The following PTPRT variants were observed in gnomAD, a reference collection of about 807,000 sequenced individuals.
The protein encoded by PTPRT is receptor-type tyrosine-protein phosphatase T.
A neutral mutation model predicts 176.8 loss-of-function variants in PTPRT; 56 were observed. The observed-to-expected ratio is 0.32, with a 90% confidence interval of 0.26 to 0.40. The LOEUF (loss-of-function observed/expected upper bound fraction) is 0.40, where lower values mean the gene tolerates loss of function less well. Among genes scored for constraint, PTPRT ranks in the 10% least tolerant of loss-of-function variants. The pLI, the probability that PTPRT is intolerant of heterozygous loss-of-function variation, is 1.00. For synonymous variants in PTPRT, 783 were observed against 739.0 expected (o/e 1.06, Z -0.96); for missense variants, 1,540 against 1,908.2 (o/e 0.81, Z 3.60).
rs564570970 is a variant in PTPRT at position 42,962,407 on chromosome 20, G to A, written c.89-76475C>T. 5.3e-5 allele frequency among the ~76,000 whole-genome samples: 8 copies of A among 150,748 alleles called. No individual in the cohort carries two copies. The South Asian group carries it at 1.7e-3, about 31-fold the overall frequency. On this transcript the variant is annotated intron_variant, in intron 1 of 30. Transcript: ENST00000373187. The stretch of plus-strand genomic sequence containing the variant: ...CCAGGAGTAAATTAGAAATATGAAA[G>A]ACAAAAGAGATATGTTATAGGGATG...
At chr20:42,058,065 C>T in the PTPRT span, among the ~76,000 whole-genome samples, 1 of 152,162 alleles carries the variant, frequency 6.6e-6, no homozygotes, top group South Asian at 2.1e-4. Context: ...GCCTCTCCTT[C>T]CTCCTGAATA....
rs55705526 is a variant in PTPRT, at chr20:42,903,844, C to T, written c.89-17912G>A. Among the ~76,000 whole-genome samples, 568 of 152,310 alleles carry T rather than the reference C, an allele frequency of 3.7e-3. 2 individuals are homozygous for T. The highest frequency in any genetic ancestry group is 0.013 in the African/African-American group (541 of 41,568). ...ATGGTGTCTTGGGTAGATGTAATTA[C>T]AGCTGAACTAGCACGTCACCCAGTT... is the stretch of plus-strand genomic sequence containing the variant. On this transcript the variant is annotated intron_variant, in intron 1 of 30. Transcript: ENST00000373187.
intron 6 of PTPRT, among the ~76,000 whole-genome samples, chr20:42,732,637 G>C (rs2076478975): frequency 6.6e-6 from 1 of 152,274 alleles, no homozygotes; most frequent in East Asian, 1.9e-4. Context: ...GAAAGATCGT[G>C]CTGTTTCATG....
intron 9 of PTPRT, among the ~76,000 whole-genome samples, chr20:42,353,633 C>CA (rs1210546610): frequency 3.3e-5 from 5 of 152,226 alleles, no homozygotes; most frequent in African/African-American, 1.2e-4. Flanking sequence ...GTGAAAATAA[C>CA]AATTGGTAGC....
intron 15 of PTPRT, among the ~76,000 whole-genome samples, chr20:42,204,398 T>C (rs2055398871): frequency 6.6e-6 from 1 of 152,208 alleles, no homozygotes; most frequent in African/African-American, 2.4e-5. Context: ...TATGACTTTC[T>C]GAACTGAGGA....
chr20:42,188,491 C>T (rs1990867713), intron 16 of PTPRT, among the ~76,000 whole-genome samples: 1 of 152,040 alleles, frequency 6.6e-6, no homozygotes, highest in Non-Finnish European at 1.5e-5. Flanking sequence ...TAACATGCCT[C>T]ATAGCATTGT....
intron 7 of PTPRT, among the ~76,000 whole-genome samples, chr20:42,633,822 A>T (rs2074474917): frequency 1.2e-5 from 1 of 85,262 alleles, no homozygotes; most frequent in Admixed American, 1.9e-4. Flanking sequence ...TATATATAAT[A>T]AAATATTAAT....
chr20:42,107,414 C>A (rs149702651), intron 23 of PTPRT, among the ~76,000 whole-genome samples: 4 of 152,166 alleles, frequency 2.6e-5, no homozygotes, highest in Non-Finnish European at 5.9e-5. Flanking sequence ...TTCGCAGGAT[C>A]GTGAAGCAAG....
chr20:42,211,965 C>T lies in PTPRT; in HGVS notation c.2343-12577G>A, dbSNP rs567994676. On this transcript the variant is annotated intron_variant, in intron 15 of 30. Transcript: ENST00000373187. ...ATATACACCATGGAATACTATGCAG[C>T]CATAAAAAATGATGAGTTCATGTCC... 1.1e-3 allele frequency among the ~76,000 whole-genome samples: 164 copies of T among 149,326 alleles called. 1 individual carries two copies. The highest frequency in any genetic ancestry group is 2.2e-3 in the Non-Finnish European group (148 of 67,420).
At chr20:42,059,197 G>A in the PTPRT span, among the ~76,000 whole-genome samples, 1 of 152,118 alleles carries the variant, frequency 6.6e-6, no homozygotes, top group East Asian at 1.9e-4. Flanking sequence ...GGCAGAGTCC[G>A]GGTCTCCTGT....
At chr20:42,476,654 C>T (rs2071294781) in intron 7 of PTPRT, among the ~76,000 whole-genome samples, 1 of 152,150 alleles carries the variant, frequency 6.6e-6, no homozygotes, top group Admixed American at 6.5e-5. Flanking sequence ...GCAAGAAGGA[C>T]TCTGGTGAAC....
chr20:42,418,314 C>T (rs1259568124), intron 9 of PTPRT, among the ~76,000 whole-genome samples: 1 of 152,042 alleles, frequency 6.6e-6, no homozygotes, highest in Admixed American at 6.5e-5. Flanking sequence ...TTTTAAATTA[C>T]ATATGTGACT....
chr20:42,600,855 G>A (rs1241616760), intron 7 of PTPRT, among the ~76,000 whole-genome samples: 1 of 152,146 alleles, frequency 6.6e-6, no homozygotes, highest in Non-Finnish European at 1.5e-5. Flanking sequence ...CCAGTCCTCT[G>A]TTAACGGACA....
chr20:42,310,523 A>G (rs1176992713), intron 12 of PTPRT, among the ~76,000 whole-genome samples: 2 of 152,086 alleles, frequency 1.3e-5, no homozygotes, highest in South Asian at 2.1e-4. Flanking sequence ...AGCTTTAACA[A>G]TTTTACCTGC....
chr20:42,150,223 C>T (rs1989065141), intron 17 of PTPRT, among the ~76,000 whole-genome samples: 1 of 152,102 alleles, frequency 6.6e-6, no homozygotes. Context: ...AGCTCACTCC[C>T]AATTCAAGGC....
At position 42,352,173 on chromosome 20, in the gene PTPRT, G is replaced by A. The variant is rs2145523750; in HGVS notation, c.1673C>T (p.Pro558Leu). The A allele has an allele frequency of 1.2e-6, 2 of 1,614,208 alleles. No individual in the cohort carries two copies. The highest frequency in any genetic ancestry group is 1.7e-6 in the Non-Finnish European group (2 of 1,180,026). ...ETHHLFVGLY[P>L]GTTYSFTIKA... ...GATGGTGAAGGAATAGGTGGTCCCT[G>A]GGTACAGACCCACAAAGAGGTGGTG... Residue 558 changes from proline to leucine, a missense_variant, in exon 10 of 31, where the codon CCA becomes CTA. Around this residue, in one of 11 missense-constraint regions of PTPRT, gnomAD observed 136 missense variants for 135.0 expected, o/e 1.01. Coordinates refer to ENST00000373187, the MANE Select transcript of PTPRT (RefSeq NM_007050.6).
chr20:42,993,434 A>ATGTGTGTATATATATATATGTATG (rs1984035505), intron 1 of PTPRT, among the ~76,000 whole-genome samples: 1 of 112,622 alleles, frequency 8.9e-6, no homozygotes, highest in Non-Finnish European at 1.8e-5. Context: ...AAAAAAAAGT[A>ATGTGTGTATATATATATATGTATG]TGTGTGTATA....
At chr20:42,985,640 A>G (rs1983530660) in intron 1 of PTPRT, among the ~76,000 whole-genome samples, 1 of 152,188 alleles carries the variant, frequency 6.6e-6, no homozygotes, top group African/African-American at 2.4e-5. Context: ...CTTTTTTAAA[A>G]ATACAGACTT....
chr20:42,128,909 T>A, intron 18 of PTPRT, 79 bp from the exon 19 acceptor site: 1 of 1,182,220 alleles, frequency 8.5e-7, no homozygotes, highest in Non-Finnish European at 1.2e-6. Flanking sequence ...AACTACTGTT[T>A]ATTAATGACT....
Sources: allele counts gnomAD v4.1 joint callset (sites outside exome capture counted in the v4.1 genomes callset), GRCh38; gene constraint gnomAD v4.1.1; regional missense constraint gnomAD v4.1.1; transcripts MANE v1.5; gene names NCBI Gene and HGNC (gene_info 2026-07-23, HGNC 2026-07-21).